The following LYST variants were observed in gnomAD, a reference collection of about 807,000 sequenced individuals.
The protein encoded by LYST is lysosomal-trafficking regulator.
A neutral mutation model predicts 413.6 loss-of-function variants in LYST; 192 were observed. The observed-to-expected ratio is 0.46, with a 90% CI of 0.41 to 0.52. The LOEUF (loss-of-function observed/expected upper bound fraction) is 0.52. LYST is among the 20% of genes least tolerant of loss of function. The probability of loss-of-function intolerance (pLI) is 0.00; values close to 1 mark genes in which losing one functional copy is unlikely to be tolerated. For missense variants in LYST, 3,815 were observed against 4,499.9 expected (o/e 0.85, Z 4.35); for synonymous variants, 1,525 against 1,567.3 (o/e 0.97, Z 0.64).
chr1:235,747,599 T>C (rs1313844414), intron 28 of LYST, among the ~76,000 whole-genome samples: 2 of 152,092 alleles, frequency 1.3e-5, no homozygotes, highest in African/African-American at 4.8e-5. Context: ...TGTCAAACAA[T>C]ATACTTAGTT....
rs1238935098 is a variant in LYST at position 235,686,397 on chromosome 1, A to AACCCC, written c.10800+547_10800+551dup. Among the ~76,000 whole-genome samples, 1 of 151,996 alleles carries AACCCC rather than the reference A, an allele frequency of 6.6e-6. No individual in the cohort carries two copies. The highest frequency in any genetic ancestry group is 2.4e-5 in the African/African-American group (1 of 41,384). On this transcript the variant is annotated intron_variant, in intron 48 of 52. Coordinates refer to ENST00000389793, the MANE Select transcript of LYST (RefSeq NM_000081.4). The surrounding 1 kb of genome is among the most constrained non-coding windows in gnomAD (Gnocchi z 4.0). ...ACAAAAACAAAACAAAACAAAACAA[A>AACCCC]ACCCCCCAAAAACAGTAAATTAAAA... is the stretch of plus-strand genomic sequence containing the variant.
At chr1:235,832,757 C>A (rs1378685467) in intron 2 of LYST, among the ~76,000 whole-genome samples, 1 of 152,030 alleles carries the variant, frequency 6.6e-6, no homozygotes, top group Non-Finnish European at 1.5e-5. Context: ...ATACTACTTG[C>A]CCCTTTATCT....
intron 1 of LYST, among the ~76,000 whole-genome samples, chr1:235,882,058 A>C (rs543162583): frequency 7.6e-6 from 1 of 132,242 alleles, no homozygotes; most frequent in African/African-American, 4.0e-5. Context: ...ACTCACACAT[A>C]CACACACACA....
chr1:235,725,876 T>C (rs558866831), intron 38 of LYST, among the ~76,000 whole-genome samples: 2 of 152,226 alleles, frequency 1.3e-5, no homozygotes, highest in South Asian at 4.2e-4. Flanking sequence ...CCCCACATTC[T>C]GAAATGAAGA....
chr1:235,694,326 T>C (rs1660920323), intron 46 of LYST, among the ~76,000 whole-genome samples: 1 of 152,184 alleles, frequency 6.6e-6, no homozygotes, highest in Non-Finnish European at 1.5e-5. Flanking sequence ...TCTCTCTTTT[T>C]TACAACATAG....
In LYST at chr1:235,777,193, G is replaced by A; in HGVS notation, c.5330C>T (p.Ser1777Leu). 2 of 1,613,750 alleles carry A rather than the reference G, an allele frequency of 1.2e-6. No homozygotes were observed. Among genetic ancestry groups the A allele is most frequent in the Non-Finnish European group, 1.7e-6 (2 of 1,179,806 alleles). Residue 1777 changes from serine to leucine, a missense_variant, in exon 17 of 53, where the codon TCA becomes TTA. This residue lies in a region of LYST where 530 missense variants were observed against 696.5 expected (regional missense o/e 0.76). Coordinates refer to ENST00000389793, the MANE Select transcript of LYST (RefSeq NM_000081.4). ...TAATAAGATGCTCTGAACTTCTTTTGAGCTGAAGGGTCTTTGAGAGAGTTG... is the reference window on the plus strand; with the variant it reads ...TAATAAGATGCTCTGAACTTCTTTTAAGCTGAAGGGTCTTTGAGAGAGTTG... Reference protein sequence around the residue: ...KTQLSQRPFSSKEVQSILLEP... With the variant: ...KTQLSQRPFSLKEVQSILLEP...
At chr1:235,868,604 G>C (rs79083223), upstream of LYST, among the ~76,000 whole-genome samples, 5,520 of 152,222 alleles carry the variant, frequency 0.036, 143 homozygotes, top group Admixed American at 0.056. Context: ...AGATGATAAT[G>C]GTATACAATT....
intron 3 of LYST, among the ~76,000 whole-genome samples, chr1:235,822,680 CA>C (rs774746313): frequency 1.2e-4 from 18 of 152,186 alleles, no homozygotes; most frequent in Non-Finnish European, 2.2e-4. Flanking sequence ...AGCTTAAACA[CA>C]GCCACAAATT....
Position 235,729,544 on chromosome 1 carries a change from A to T in LYST, c.9106+52T>A, listed in dbSNP as rs555804802. The T allele has an allele frequency of 5.0e-5, 58 of 1,161,212 alleles. No homozygotes were observed. The African/African-American group carries it at 6.9e-4, about 14-fold the overall frequency. The allele number at this position is 1,161,212 out of a possible 1,614,324, so 71.9% of individuals were successfully genotyped here. Reference sequence around the variant, plus strand: ...CAAAAAACACTTTAAATAATCTAAGAATCAAATAAGGCAGGGTGAATATGT... The same window carrying T: ...CAAAAAACACTTTAAATAATCTAAGTATCAAATAAGGCAGGGTGAATATGT... On this transcript the variant is annotated intron_variant, in intron 37 of 52. Transcript: ENST00000389793.
At chr1:235,802,842 G>C (rs1027459472) in intron 8 of LYST, 66 bp downstream of exon 8, 15 of 1,459,618 alleles carry the variant, frequency 1.0e-5, no homozygotes, top group Admixed American at 1.7e-5. Flanking sequence ...GTATTATTAT[G>C]AACCATTTTG....
chr1:235,875,013 GACTT>G (rs1681079611), intron 1 of LYST, among the ~76,000 whole-genome samples: 1 of 152,196 alleles, frequency 6.6e-6, no homozygotes, highest in African/African-American at 2.4e-5. Context: ...CCATGCCCCA[GACTT>G]ACTGAGTCAG....
intron 44 of LYST, 31 bp from the exon 45 acceptor site, chr1:235,703,008 A>G (rs1277657667): frequency 1.4e-6 from 2 of 1,450,024 alleles, no homozygotes; most frequent in Admixed American, 1.7e-5. Flanking sequence ...GGAACAAGAC[A>G]TATGTAGTAA....
chr1:235,772,997 C>T (rs1382475214), intron 19 of LYST, among the ~76,000 whole-genome samples: 1 of 152,136 alleles, frequency 6.6e-6, no homozygotes, highest in African/African-American at 2.4e-5. Context: ...TTATTTCTTT[C>T]AGAAGAATGA....
intron 49 of LYST, 106 bp from the exon 50 acceptor site, chr1:235,677,294 T>A (rs1659455853): frequency 9.3e-7 from 1 of 1,076,174 alleles, no homozygotes; most frequent in African/African-American, 1.6e-5. Flanking sequence ...ACATAAGGCA[T>A]ACATGTTTTC....
At position 235,760,370 on chromosome 1, in the gene LYST, T is replaced by C. The variant is rs541485257; in HGVS notation, c.6254-771A>G. Among the ~76,000 whole-genome samples, 4 of 152,356 alleles carry C rather than the reference T, an allele frequency of 2.6e-5. No homozygotes were observed. The South Asian group carries it at 8.3e-4, about 32-fold the overall frequency. On this transcript the variant is annotated intron_variant, in intron 22 of 52. Coordinates refer to ENST00000389793, the MANE Select transcript of LYST (RefSeq NM_000081.4). The stretch of plus-strand genomic sequence containing the variant: ...TTGTTGTTACTAGCCTAAACAGCCC[T>C]AGACAGTTCTCTCTCTCCTCCATTT...
At chr1:235,680,847 C>T (rs1304081205) in intron 48 of LYST, among the ~76,000 whole-genome samples, 1 of 152,108 alleles carries the variant, frequency 6.6e-6, no homozygotes, top group Non-Finnish European at 1.5e-5. Flanking sequence ...GATCCGCCTG[C>T]CTCAGCCTCC....
intron 24 of LYST, among the ~76,000 whole-genome samples, chr1:235,755,998 AATCTATATCTATATCTAT>A (rs59482097): frequency 0.044 from 6,345 of 142,818 alleles, 425 homozygotes; most frequent in African/African-American, 0.14. Flanking sequence ...TCTCTCTGCA[AATCTATATCTATATCTAT>A]ATCTATATCT....
chr1:235,866,977 C>G (rs3820556), upstream of LYST: 13,337 of 152,964 alleles, frequency 0.087, 744 homozygotes, highest in Middle Eastern at 0.18. Context: ...AACACCACCC[C>G]CTCCCTCCCC....
At chr1:235,688,056 T>G (rs1430498320) in intron 47 of LYST, among the ~76,000 whole-genome samples, 2 of 152,234 alleles carry the variant, frequency 1.3e-5, no homozygotes, top group African/African-American at 4.8e-5. Context: ...AGTTTCTTTC[T>G]TGAGTAGTTC....
Sources: allele counts gnomAD v4.1 joint callset (sites outside exome capture counted in the v4.1 genomes callset), GRCh38; gene constraint gnomAD v4.1.1; regional missense constraint gnomAD v4.1.1; non-coding constraint Gnocchi (gnomAD v3.1); transcripts MANE v1.5; gene names NCBI Gene and HGNC (gene_info 2026-07-23, HGNC 2026-07-21).